Variants in SPATS2 observed in about 807,000 individuals in gnomAD.
SPATS2 encodes spermatogenesis-associated serine-rich protein 2.
A neutral mutation model predicts 63.7 loss-of-function variants in SPATS2; 38 were observed. The ratio of observed to expected loss-of-function variants is 0.60; its 90% CI spans 0.46 to 0.78. SPATS2 has a LOEUF of 0.78. Among genes scored for constraint, SPATS2 ranks in the 30% least tolerant of loss-of-function variants. The pLI is 0.00. For synonymous variants in SPATS2, 207 were observed against 232.9 expected, an observed-to-expected ratio of 0.89 and a Z score of 1.01; for missense variants, 588 against 666.2, an observed-to-expected ratio of 0.88 and a Z score of 1.29.
chr12:49,514,901 T>C (rs1324349958), intron 10 of SPATS2, among the ~76,000 whole-genome samples: 1 of 152,248 alleles, frequency 6.6e-6, no homozygotes, highest in Non-Finnish European at 1.5e-5. Context: ...TTTTGTTTCT[T>C]CCTCTAGTGT....
At chr12:49,501,797 T>G (rs894202715) in intron 9 of SPATS2, among the ~76,000 whole-genome samples, 2 of 152,050 alleles carry the variant, frequency 1.3e-5, no homozygotes, top group Non-Finnish European at 2.9e-5. Context: ...TTGTGTGTTT[T>G]TAGTAGAGAT....
chr12:49,378,914 T>A (rs951951315), intron 2 of SPATS2, among the ~76,000 whole-genome samples: 5 of 151,520 alleles, frequency 3.3e-5, no homozygotes, highest in Admixed American at 2.0e-4. Flanking sequence ...TTATTATTTT[T>A]ATTTTATTTT....
At chr12:49,495,174 T>C (rs941196714) in intron 7 of SPATS2, among the ~76,000 whole-genome samples, 172 bp downstream of exon 7, 2 of 152,218 alleles carry the variant, frequency 1.3e-5, no homozygotes, top group African/African-American at 2.4e-5. Flanking sequence ...ATTTTATAAT[T>C]ATCAAAGGCC....
At chr12:49,409,845 C>T (rs1257707122) in intron 2 of SPATS2, among the ~76,000 whole-genome samples, 1 of 151,918 alleles carries the variant, frequency 6.6e-6, no homozygotes, top group African/African-American at 2.4e-5. Flanking sequence ...TCTAGTGATC[C>T]ACCTGCCTTG....
intron 13 of SPATS2, 143 bp downstream of exon 13, chr12:49,525,039 T>A: frequency 1.2e-6 from 1 of 824,046 alleles, no homozygotes; most frequent in Non-Finnish European, 1.9e-6. Flanking sequence ...AGTTAGTTCC[T>A]GAGAAAGCAT....
Position 49,500,207 on chromosome 12 carries a change from T to C in SPATS2, c.839+2T>C. The C allele has an allele frequency of 6.3e-7, 1 of 1,589,974 alleles. No homozygotes were observed. Among genetic ancestry groups the C allele is most frequent in the Non-Finnish European group, 8.5e-7 (1 of 1,173,850 alleles). On this transcript the variant is annotated splice_donor_variant, in intron 9 of 13. Transcript: ENST00000552918. LOFTEE classifies it high-confidence loss of function. ...AGCCTTTGCTGAATTGGAGAGCTGG[T>C]AATTTAAGCTGCATTTGATATCAGT...
At chr12:49,437,273 C>T (rs1400711820) in intron 2 of SPATS2, among the ~76,000 whole-genome samples, 3 of 151,058 alleles carry the variant, frequency 2.0e-5, no homozygotes, top group South Asian at 2.1e-4. Context: ...AGACGATGGG[C>T]GGCCTGGCAG....
At chr12:49,522,931 T>TAATGAGGAATCAGTG in intron 12 of SPATS2, 78 bp downstream of exon 12, 1 of 1,214,714 alleles carries the variant, frequency 8.2e-7, no homozygotes, top group Non-Finnish European at 1.2e-6. Context: ...TCTTCACCAC[T>TAATGAGGAATCAGTG]GATTCCTCAT....
At chr12:49,401,029 C>T (rs188268894) in intron 2 of SPATS2, among the ~76,000 whole-genome samples, 53 of 152,142 alleles carry the variant, frequency 3.5e-4, no homozygotes, top group African/African-American at 1.1e-3. Context: ...TGTGCCACAA[C>T]GCCTGACTAA....
At chr12:49,432,545 C>T (rs978664040) in intron 2 of SPATS2, among the ~76,000 whole-genome samples, 2 of 152,168 alleles carry the variant, frequency 1.3e-5, no homozygotes, top group Non-Finnish European at 2.9e-5. Context: ...ACAGATCGCC[C>T]AAAGTTTTTT....
intron 10 of SPATS2, among the ~76,000 whole-genome samples, chr12:49,516,387 A>T (rs1216777170): frequency 6.6e-6 from 1 of 150,720 alleles, no homozygotes; most frequent in East Asian, 2.0e-4. Flanking sequence ...AGGTGCTTTT[A>T]AGAATATTAA....
intron 4 of SPATS2, among the ~76,000 whole-genome samples, chr12:49,487,956 T>G (rs1200231432): frequency 6.6e-6 from 1 of 152,170 alleles, no homozygotes; most frequent in Non-Finnish European, 1.5e-5. Flanking sequence ...TAGTTCAAGC[T>G]CACTATTCTG....
chr12:49,374,764 C>T (rs762933503), intron 2 of SPATS2, among the ~76,000 whole-genome samples: 17 of 151,948 alleles, frequency 1.1e-4, no homozygotes, highest in Non-Finnish European at 1.8e-4. Flanking sequence ...AGTTCAAGAG[C>T]GGTCTGGCCA....
At chr12:49,512,748 A>G (rs1306736256) in intron 9 of SPATS2, 7 of 549,438 alleles carry the variant, frequency 1.3e-5, no homozygotes, top group Non-Finnish European at 1.7e-5. Flanking sequence ...AGGATTTGTC[A>G]TCTGATGGAC....
intron 2 of SPATS2, among the ~76,000 whole-genome samples, chr12:49,449,860 G>GT (rs1945586760): frequency 6.6e-6 from 1 of 152,176 alleles, no homozygotes; most frequent in Admixed American, 6.5e-5. Context: ...TGAGATTTGG[G>GT]TGGGGACACA....
At chr12:49,392,976 CA>C (rs916911731) in intron 2 of SPATS2, among the ~76,000 whole-genome samples, 10 of 152,080 alleles carry the variant, frequency 6.6e-5, no homozygotes, top group African/African-American at 2.4e-4. Flanking sequence ...TGCTTGAACC[CA>C]GGGGGCGGAG....
chr12:49,409,651 G>A (rs2137349912), intron 2 of SPATS2, among the ~76,000 whole-genome samples: 1 of 142,402 alleles, frequency 7.0e-6, no homozygotes, highest in South Asian at 2.3e-4. Context: ...CGCCCAGGCA[G>A]GAGTGCTGTG....
intron 11 of SPATS2, among the ~76,000 whole-genome samples, chr12:49,520,218 G>A (rs960932164): frequency 6.6e-6 from 1 of 151,418 alleles, no homozygotes; most frequent in Admixed American, 6.6e-5. Flanking sequence ...AACCTCAGGT[G>A]ATCTGCCTGC....
intron 2 of SPATS2, among the ~76,000 whole-genome samples, chr12:49,412,445 G>A (rs561002173): frequency 6.6e-6 from 1 of 152,056 alleles, no homozygotes; most frequent in South Asian, 2.1e-4. Flanking sequence ...CGGGTGATCG[G>A]CCTGCCTTGG....
Sources: gnomAD v4.1 joint callset for allele counts (sites outside exome capture counted in the v4.1 genomes callset) on GRCh38, gnomAD v4.1.1 for gene constraint, MANE v1.5 for transcripts, NCBI Gene and HGNC (gene_info 2026-07-23, HGNC 2026-07-21) for gene names.